The following CAPN13 variants were observed in gnomAD, a reference collection of about 807,000 sequenced individuals.
CAPN13 encodes the protein calpain-13.
CAPN13 carries 90 observed loss-of-function variants against 98.4 expected under a neutral mutation model. The observed-to-expected ratio is 0.92, with a 90% CI of 0.77 to 1.09. The LOEUF is 1.09. Ranked by LOEUF, CAPN13 falls within the 50% of genes least tolerant of loss-of-function variation. The pLI, the probability that CAPN13 is intolerant of heterozygous loss-of-function variation, is 0.00. For missense variants in CAPN13, 887 were observed against 841.3 expected, an observed-to-expected ratio of 1.05 and a Z score of -0.67; for synonymous variants, 330 against 305.5, an observed-to-expected ratio of 1.08 and a Z score of -0.84.
chr2:30,742,029 C>A, intron 14 of CAPN13, 65 bp from the exon 15 acceptor site: 1 of 1,429,296 alleles, frequency 7.0e-7, no homozygotes, highest in Non-Finnish European at 9.9e-7. Flanking sequence ...TCTGGTACAG[C>A]AAGGGTGCAA....
At chr2:30,770,625 C>G (rs151322164) in intron 4 of CAPN13, among the ~76,000 whole-genome samples, 176 bp from the exon 5 acceptor site, 3 of 152,204 alleles carry the variant, frequency 2.0e-5, no homozygotes, top group Non-Finnish European at 2.9e-5. Context: ...TCTCAACCGG[C>G]AGATGGAGAA....
intron 20 of CAPN13, among the ~76,000 whole-genome samples, chr2:30,731,750 G>C (rs1458100914): frequency 6.6e-6 from 1 of 152,200 alleles, no homozygotes; most frequent in East Asian, 1.9e-4. Context: ...CCTTCCCTGT[G>C]CAACCGAGAA....
chr2:30,784,514 A>T (rs1674158286), intron 2 of CAPN13, among the ~76,000 whole-genome samples: 1 of 152,244 alleles, frequency 6.6e-6, no homozygotes, highest in East Asian at 1.9e-4. Flanking sequence ...ATCCCTAAAA[A>T]GGGAAAAAAG....
intron 7 of CAPN13, among the ~76,000 whole-genome samples, chr2:30,758,794 T>TCCTTCCTCCCTCCCTTC (rs1672613129): frequency 1.4e-5 from 1 of 71,896 alleles, no homozygotes; most frequent in East Asian, 4.8e-4. Context: ...CCCTTTCCTT[T>TCCTTCCTCCCTCCCTTC]CCTTCCTCCC....
chr2:30,741,734 C>T, intron 15 of CAPN13, 174 bp downstream of exon 15: 1 of 1,461,886 alleles, frequency 6.8e-7, no homozygotes, highest in Non-Finnish European at 9.0e-7. Flanking sequence ...CACGTCTCTA[C>T]CGAGCTTGGC....
chr2:30,779,298 T>A (rs1412866054), intron 2 of CAPN13, among the ~76,000 whole-genome samples: 1 of 152,236 alleles, frequency 6.6e-6, no homozygotes, highest in Non-Finnish European at 1.5e-5. Context: ...TGGGTGACCT[T>A]GAGACCTTGA....
intron 22 of CAPN13, 56 bp downstream of exon 22, chr2:30,730,674 G>T (rs1381399883): frequency 1.3e-6 from 1 of 772,278 alleles, no homozygotes. Context: ...GTTCTTAGAG[G>T]GGAAGGAGGA....
chr2:30,725,166 A>G (rs1428212782), intron 22 of CAPN13, among the ~76,000 whole-genome samples: 1 of 152,216 alleles, frequency 6.6e-6, no homozygotes, highest in Non-Finnish European at 1.5e-5. Context: ...GAAATCAATT[A>G]AAATCAATAC....
At chr2:30,723,448 A>G (rs1010702700) in intron 22 of CAPN13, among the ~76,000 whole-genome samples, 1 of 152,090 alleles carries the variant, frequency 6.6e-6, no homozygotes, top group Non-Finnish European at 1.5e-5. Context: ...CCATTCTTCA[A>G]AATTCCTTAA....
intron 9 of CAPN13, 92 bp downstream of exon 9, chr2:30,754,198 T>C: frequency 9.7e-7 from 1 of 1,030,838 alleles, no homozygotes; most frequent in East Asian, 3.0e-5. Context: ...AAAGCTATTT[T>C]CCACCTTCGT....
At chr2:30,777,543 G>T in intron 3 of CAPN13, 24 bp downstream of exon 3, 1 of 1,555,874 alleles carries the variant, frequency 6.4e-7, no homozygotes, top group East Asian at 2.4e-5. Flanking sequence ...TCCAGGGCAC[G>T]GAGGGAAGAT....
chr2:30,780,556 A>T (rs958435661), intron 2 of CAPN13, among the ~76,000 whole-genome samples: 1 of 144,994 alleles, frequency 6.9e-6, no homozygotes, highest in Non-Finnish European at 1.5e-5. Context: ...AAAAGTTAAA[A>T]ACAAAAATTT....
At chr2:30,776,375 C>A (rs1205789597) in intron 3 of CAPN13, among the ~76,000 whole-genome samples, 4 of 152,068 alleles carry the variant, frequency 2.6e-5, no homozygotes, top group African/African-American at 9.7e-5. Flanking sequence ...CCAAGCCCGG[C>A]TAATTTTTTT....
chr2:30,745,390 T>A, intron 12 of CAPN13: 1 of 528,310 alleles, frequency 1.9e-6, no homozygotes, highest in Non-Finnish European at 3.8e-6. Context: ...CTAAAGATCT[T>A]TCCAAGGTAC....
chr2:30,768,678 T>TTTCCTTCCTTCCTTCCTTCCTCCCTTCC (rs1673232126), intron 5 of CAPN13, among the ~76,000 whole-genome samples: 1 of 149,176 alleles, frequency 6.7e-6, no homozygotes, highest in African/African-American at 2.6e-5. Flanking sequence ...AACTTTCTTT[T>TTTCCTTCCTTCCTTCCTTCCTCCCTTCC]TTCCTTCCTT....
intron 3 of CAPN13, among the ~76,000 whole-genome samples, chr2:30,777,080 C>G (rs1030260304): frequency 6.6e-6 from 1 of 152,236 alleles, no homozygotes; most frequent in Non-Finnish European, 1.5e-5. Context: ...TCCAAGGCTT[C>G]TCTTTCTGAG....
intron 18 of CAPN13, among the ~76,000 whole-genome samples, chr2:30,735,686 C>T (rs555973378): frequency 7.2e-5 from 11 of 152,216 alleles, no homozygotes; most frequent in Non-Finnish European, 1.0e-4. Context: ...GTCGGGGATC[C>T]GGGGATATAT....
In CAPN13 at chr2:30,734,470, A is replaced by C; in HGVS notation, c.1777T>G (p.Trp593Gly). ...GTACCTGTATTCTCTATGGCCTTCC[A>C]CAAGTCCGAGCTCAGGAGGACTCCA... ...SPGVLLSSDL[W>G]KAIENTDFLR... is the part of the protein sequence containing the mutation. Residue 593 changes from tryptophan (W) to glycine (G), a missense_variant, in exon 19 of 23, where the codon TGG (tryptophan) becomes GGG (glycine). Physicochemically the swap from Trp to Gly is radical, Grantham distance 184. Transcript: ENST00000295055. The C allele has an allele frequency of 6.2e-7, 1 of 1,613,916 alleles. No homozygotes were observed.
rs545996792 is a variant in CAPN13 at position 30,763,741 on chromosome 2, G to A, written c.699+391C>T. ...GCATCAGAGGGCCCTGGGGGGCTCC[G>A]TGTAAACTTAAGGCAAAATACAAAG... On this transcript the variant is annotated intron_variant, in intron 6 of 22. Transcript: ENST00000295055. Among the ~76,000 whole-genome samples, 63 of 152,328 alleles carry A rather than the reference G, an allele frequency of 4.1e-4. 1 individual carries two copies. The highest frequency in any genetic ancestry group is 2.9e-3 in the Admixed American group (45 of 15,306).
Sources: allele counts gnomAD v4.1 joint callset (sites outside exome capture counted in the v4.1 genomes callset), GRCh38; gene constraint gnomAD v4.1.1; transcripts MANE v1.5; gene names NCBI Gene and HGNC (gene_info 2026-07-23, HGNC 2026-07-21).